Variants in KCNT1 observed in about 807,000 individuals in gnomAD.
KCNT1 encodes the protein potassium channel subfamily T member 1.
In KCNT1, 78 loss-of-function variants were observed where a neutral mutation model predicts 147.8. The ratio of observed to expected loss-of-function variants is 0.53; its 90% CI spans 0.44 to 0.64. The LOEUF (loss-of-function observed/expected upper bound fraction) is 0.64, where lower values mean the gene tolerates loss of function less well. KCNT1 is among the 30% of genes least tolerant of loss of function. The pLI is 0.00. For synonymous variants in KCNT1, 867 were observed against 748.8 expected (o/e 1.16, Z -2.58); for missense variants, 1,419 against 1,750.3 (o/e 0.81, Z 3.38).
At chr9:135,779,278 C>A in intron 23 of KCNT1, 81 bp from the exon 24 acceptor site, 1 of 846,986 alleles carries the variant, frequency 1.2e-6, no homozygotes, top group South Asian at 1.4e-5. Flanking sequence ...GAGACCCCCA[C>A]AGCCACATGA....
At chr9:135,790,353 C>T (rs1834399176) in intron 29 of KCNT1, 1 of 152,290 alleles carries the variant, frequency 6.6e-6, no homozygotes, top group Non-Finnish European at 1.5e-5. Context: ...GGGCCTCCTC[C>T]AAAGGCCTGG....
chr9:135,721,456 G>C (rs1422410288), intron 2 of KCNT1, among the ~76,000 whole-genome samples: 1 of 152,232 alleles, frequency 6.6e-6, no homozygotes, highest in Non-Finnish European at 1.5e-5. Context: ...CCACAGGCTT[G>C]GGAGGACACG....
intron 2 of KCNT1, among the ~76,000 whole-genome samples, chr9:135,725,655 G>C (rs7855716): frequency 0.31 from 47,430 of 152,072 alleles, 8,099 homozygotes; most frequent in Middle Eastern, 0.51. Context: ...AGAGGGTGCA[G>C]GGGTCACTCT....
rs141521745 is a variant in KCNT1, at chr9:135,792,143, C to A, written c.3690C>A (p.Arg1230=). 26 of 1,605,710 alleles carry A rather than the reference C, an allele frequency of 1.6e-5. No homozygotes were observed. The highest frequency in any genetic ancestry group is 5.3e-5 in the African/African-American group (4 of 74,882). The part of the protein sequence containing the change: ...HKLSSCNPET[R]DETQL ...TGTCGTCCTGCAACCCCGAGACTCG[C>A]GACGAGACACAGCTCTGAGCCAGCC... is the stretch of plus-strand genomic sequence containing the variant. Residue 1230 remains arginine (R), a synonymous_variant, in exon 31 of 31, where the codon CGC becomes CGA. Transcript: ENST00000371757.
chr9:135,783,967 C>G (rs1431223952), intron 24 of KCNT1, 57 bp from the exon 25 acceptor site: 8 of 1,370,580 alleles, frequency 5.8e-6, no homozygotes, highest in Non-Finnish European at 6.2e-6. Flanking sequence ...CCCGTGGCTG[C>G]CGTGCCACTG....
chr9:135,765,783 G>T (rs772180521), intron 13 of KCNT1, 23 bp downstream of exon 13: 34 of 1,572,836 alleles, frequency 2.2e-5, no homozygotes, highest in Non-Finnish European at 2.8e-5. Flanking sequence ...GGGCGGAGGG[G>T]GTGGCATGGG....
At chr9:135,757,269 G>T (rs758386119) in intron 8 of KCNT1, 29 bp from the exon 9 acceptor site, 1 of 1,612,710 alleles carries the variant, frequency 6.2e-7, no homozygotes, top group Admixed American at 1.7e-5. Context: ...GGGCCCTGGA[G>T]CCCCAGCCCT....
chr9:135,773,643 A>C (rs1832911137), intron 19 of KCNT1, among the ~76,000 whole-genome samples: 1 of 152,268 alleles, frequency 6.6e-6, no homozygotes, highest in African/African-American at 2.4e-5. Flanking sequence ...CAGGACAGAC[A>C]AGTGCCCCAG....
At position 135,772,894 on chromosome 9, in the gene KCNT1, G is replaced by T. The variant is rs752598622; in HGVS notation, c.2188G>T (p.Asp730Tyr). 4 of 1,558,460 alleles carry T rather than the reference G, an allele frequency of 2.6e-6. No individual in the cohort carries two copies. Among genetic ancestry groups the T allele is most frequent in the South Asian group, 1.2e-5 (1 of 84,586 alleles). The change falls in exon 19 of 31, where the codon GAC becomes TAC. Residue 730 changes from aspartate (D) to tyrosine (Y), a missense_variant. Asp to Tyr is a radical substitution (Grantham distance 160). Transcript: ENST00000371757. Reference sequence around the variant, plus strand: ...CCTGCTGCCCTGCGACCTGCTGAGCGACCAGTCGGAGGATGAGGTGACGCC... The same window carrying T: ...CCTGCTGCCCTGCGACCTGCTGAGCTACCAGTCGGAGGATGAGGTGACGCC... ...SALLPCDLLS[D>Y]QSEDEVTPSD...
chr9:135,770,085 C>CTCCATGGCG (rs1314974279), intron 16 of KCNT1, 30 bp downstream of exon 16: 1 of 1,529,596 alleles, frequency 6.5e-7, no homozygotes, highest in South Asian at 1.2e-5. Flanking sequence ...GGGGACCGAC[C>CTCCATGGCG]TCCATGGCGG....
At position 135,777,682 on chromosome 9, in the gene KCNT1, A is replaced by G. The variant is rs1833268729; in HGVS notation, c.2522+172A>G. ...AGGGGGACTCTCCTTCCTGCTCCCAACTCCTCCTGCTCCCAGCTCCTCCCC... is the reference window on the plus strand; with the variant it reads ...AGGGGGACTCTCCTTCCTGCTCCCAGCTCCTCCTGCTCCCAGCTCCTCCCC... On this transcript the variant is annotated intron_variant, in intron 21 of 30. Transcript: ENST00000371757. Among the ~76,000 whole-genome samples the G allele has an allele frequency of 2.7e-5, 4 of 149,454 alleles. No homozygotes were observed. In the South Asian group the frequency reaches 8.5e-4, roughly 32 times the overall value.
chr9:135,792,339 C>A lies in KCNT1; in HGVS notation c.*178C>A. The A allele has an allele frequency of 2.8e-6, 2 of 709,400 alleles. No homozygotes were observed. The highest frequency in any genetic ancestry group is 4.5e-6 in the Non-Finnish European group (2 of 444,606). The allele number at this position is 709,400 out of a possible 1,614,324, so 43.9% of individuals were successfully genotyped here. ...TCATGCGGGGGGAGGGCCAGCTCAC[C>A]CCTGGGCACCTGCAGGCTAGTGAGG... On this transcript the variant is annotated 3_prime_UTR_variant, in exon 31 of 31. Transcript: ENST00000371757.
chr9:135,770,118 A>C, intron 16 of KCNT1, 63 bp downstream of exon 16: 7 of 1,462,208 alleles, frequency 4.8e-6, no homozygotes, highest in Non-Finnish European at 6.5e-6. Context: ...GAGACAACGC[A>C]GGGCCTGCTT....
intron 11 of KCNT1, 52 bp from the exon 12 acceptor site, chr9:135,764,979 G>A: frequency 6.4e-7 from 1 of 1,558,120 alleles, no homozygotes; most frequent in Non-Finnish European, 8.7e-7. Context: ...TTCACCGGGA[G>A]CCCTCGCTCC....
At chr9:135,720,524 T>C (rs1367535356) in intron 2 of KCNT1, among the ~76,000 whole-genome samples, 1 of 151,682 alleles carries the variant, frequency 6.6e-6, no homozygotes, top group African/African-American at 2.4e-5. Context: ...TCTCTTCCTA[T>C]CCCCTCCCCA....
intron 17 of KCNT1, 101 bp downstream of exon 17, chr9:135,770,548 G>A: frequency 7.1e-7 from 1 of 1,411,428 alleles, no homozygotes. Flanking sequence ...CTGGGGCGGG[G>A]CTGCAGAGGG....
At chr9:135,719,605 G>A (rs1835847738) in intron 2 of KCNT1, among the ~76,000 whole-genome samples, 1 of 152,200 alleles carries the variant, frequency 6.6e-6, no homozygotes, top group Non-Finnish European at 1.5e-5. Context: ...AGCCACCACT[G>A]GAGGCAACGT....
intron 6 of KCNT1, among the ~76,000 whole-genome samples, chr9:135,755,652 ACCAGGCTCAGTAAATGCTGAGGACAAAC>A (rs1192839933): frequency 4.4e-5 from 6 of 136,954 alleles, no homozygotes; most frequent in African/African-American, 1.1e-4. Context: ...AAGCAGGGAA[ACCAGGCTCAGTAAATGCTGAGGACAAAC>A]CCAGGCTCAG....
At chr9:135,739,045 T>TG (rs1239409770) in intron 2 of KCNT1, among the ~76,000 whole-genome samples, 1 of 152,018 alleles carries the variant, frequency 6.6e-6, no homozygotes, top group African/African-American at 2.4e-5. Context: ...CCCTCCCAGC[T>TG]GGGGTCTCCC....
Sources: gnomAD v4.1 joint callset for allele counts (sites outside exome capture counted in the v4.1 genomes callset) on GRCh38, gnomAD v4.1.1 for gene constraint, MANE v1.5 for transcripts, NCBI Gene and HGNC (gene_info 2026-07-23, HGNC 2026-07-21) for gene names.